The following TMEM132D variants were observed in gnomAD, a reference collection of about 807,000 sequenced individuals.
TMEM132D encodes the protein transmembrane protein 132D.
Under a neutral mutation model 62.3 loss-of-function variants are expected in TMEM132D, and 21 were observed. The observed-to-expected ratio is 0.34, with a 90% CI of 0.24 to 0.49. The LOEUF is 0.49. TMEM132D is among the 20% of genes least tolerant of loss of function. The pLI, the probability that TMEM132D is intolerant of heterozygous loss-of-function variation, is 0.99. For synonymous variants in TMEM132D, 621 were observed against 575.6 expected (o/e 1.08, Z -1.13); for missense variants, 1,346 against 1,402.8 (o/e 0.96, Z 0.65).
chr12:129,720,125 C>A (rs1366358032), intron 1 of TMEM132D, among the ~76,000 whole-genome samples: 2 of 152,036 alleles, frequency 1.3e-5, no homozygotes, highest in African/African-American at 4.8e-5. Flanking sequence ...TCTAAATAAT[C>A]AATAAAACCT....
Position 129,285,526 on chromosome 12 carries a change from C to CAAAAAAAAAAA in TMEM132D, c.1299+52097_1299+52107dup, listed in dbSNP as rs1555244565. On this transcript the variant is annotated intron_variant, in intron 4 of 8. Coordinates refer to ENST00000422113, the MANE Select transcript of TMEM132D (RefSeq NM_133448.3). ...TGGGTGACAGAGTGAGACTGTGTCT[C>CAAAAAAAAAAA]AAAAAAAAAAAAAAGAGAGAGAGAG... Among the ~76,000 whole-genome samples the CAAAAAAAAAAA allele has an allele frequency of 8.5e-4, 35 of 40,954 alleles. 2 individuals are homozygous for CAAAAAAAAAAA. The highest frequency in any genetic ancestry group is 2.4e-3 in the African/African-American group (32 of 13,126). 26.9% of individuals were successfully genotyped at this position (40,954 alleles called of 152,430 possible).
intron 2 of TMEM132D, among the ~76,000 whole-genome samples, chr12:129,656,571 TG>T (rs376325003): frequency 3.3e-5 from 5 of 152,298 alleles, no homozygotes; most frequent in African/African-American, 1.2e-4. Context: ...AGCATGACTC[TG>T]GCCAGATGTA....
At chr12:129,490,681 C>T (rs892222457) in intron 3 of TMEM132D, among the ~76,000 whole-genome samples, 24 of 145,100 alleles carry the variant, frequency 1.7e-4, no homozygotes, top group South Asian at 6.7e-4. Flanking sequence ...TCTCCATCTC[C>T]TGACCTCGTG....
chr12:129,558,932 C>T (rs531230605), intron 2 of TMEM132D, among the ~76,000 whole-genome samples: 5 of 152,262 alleles, frequency 3.3e-5, no homozygotes, highest in African/African-American at 9.6e-5. Context: ...TACAGTAATC[C>T]GTCATCAAGA....
intron 2 of TMEM132D, among the ~76,000 whole-genome samples, chr12:129,618,408 G>A (rs2137157370): frequency 6.6e-6 from 1 of 152,312 alleles, no homozygotes; most frequent in South Asian, 2.1e-4. Flanking sequence ...TACCTGATGT[G>A]TTTGTTCGCT....
chr12:129,836,649 T>G (rs539959068), intron 1 of TMEM132D, among the ~76,000 whole-genome samples: 3 of 152,108 alleles, frequency 2.0e-5, no homozygotes, highest in Non-Finnish European at 2.9e-5. Flanking sequence ...AACAACATAA[T>G]GGCACTACCT....
At chr12:129,378,328 T>C (rs1870843093) in intron 3 of TMEM132D, among the ~76,000 whole-genome samples, 1 of 152,188 alleles carries the variant, frequency 6.6e-6, no homozygotes. Flanking sequence ...CCAACGTTGA[T>C]CAAAGCAACA....
At chr12:129,092,829 G>A (rs1251184698) in intron 5 of TMEM132D, among the ~76,000 whole-genome samples, 2 of 152,166 alleles carry the variant, frequency 1.3e-5, no homozygotes, top group Non-Finnish European at 2.9e-5. Flanking sequence ...ATATCTATTA[G>A]ATTGGTACCC....
chr12:129,428,672 G>A (rs1175989016), intron 3 of TMEM132D, among the ~76,000 whole-genome samples: 5 of 152,168 alleles, frequency 3.3e-5, no homozygotes, highest in Admixed American at 6.5e-5. Context: ...GATATAAAAC[G>A]GTATTTGGCT....
intron 4 of TMEM132D, among the ~76,000 whole-genome samples, chr12:129,272,782 C>T (rs1880888686): frequency 6.6e-6 from 1 of 151,702 alleles, no homozygotes. Flanking sequence ...CAAAATAGGC[C>T]AGGCACGGCG....
intron 3 of TMEM132D, among the ~76,000 whole-genome samples, chr12:129,405,247 T>TA (rs977834452): frequency 6.6e-6 from 1 of 151,906 alleles, no homozygotes; most frequent in African/African-American, 2.4e-5. Flanking sequence ...ACAGGTGCCT[T>TA]CTCGTGTGCT....
At chr12:129,401,813 C>T (rs1871632530) in intron 3 of TMEM132D, among the ~76,000 whole-genome samples, 1 of 152,134 alleles carries the variant, frequency 6.6e-6, no homozygotes, top group Non-Finnish European at 1.5e-5. Flanking sequence ...GTTCTCCTGC[C>T]TCCTCACTCT....
intron 4 of TMEM132D, among the ~76,000 whole-genome samples, chr12:129,274,449 A>T (rs1880946045): frequency 1.3e-5 from 2 of 152,212 alleles, no homozygotes; most frequent in South Asian, 2.1e-4. Context: ...AGGTGGTATC[A>T]GTCTGGTGCC....
chr12:129,087,918 C>CTATGA (rs1874684583), intron 5 of TMEM132D, among the ~76,000 whole-genome samples: 5 of 116,296 alleles, frequency 4.3e-5, no homozygotes, highest in African/African-American at 1.0e-4. Context: ...GGGGTGTCCT[C>CTATGA]CCTGACCGGG....
chr12:129,700,842 A>C, intron 1 of TMEM132D, 144 bp from the exon 2 acceptor site: 2 of 896,676 alleles, frequency 2.2e-6, no homozygotes, highest in Non-Finnish European at 3.2e-6. Flanking sequence ...TCTTAATCCA[A>C]TCTACTCGCT....
intron 2 of TMEM132D, among the ~76,000 whole-genome samples, chr12:129,582,428 A>T (rs181119570): frequency 3.3e-4 from 51 of 152,318 alleles, no homozygotes; most frequent in African/African-American, 1.2e-3. Flanking sequence ...CTCTCAATGC[A>T]GAGTGTCAGG....
intron 2 of TMEM132D, among the ~76,000 whole-genome samples, chr12:129,578,426 A>ATATATATATGTGTG (rs1877742273): frequency 7.1e-6 from 1 of 140,456 alleles, no homozygotes; most frequent in Non-Finnish European, 1.5e-5. Context: ...GTGTGTGTGT[A>ATATATATATGTGTG]TATATATATA....
chr12:129,221,202 G>A (rs549183650), intron 4 of TMEM132D, among the ~76,000 whole-genome samples: 3 of 152,196 alleles, frequency 2.0e-5, no homozygotes, highest in Admixed American at 6.5e-5. Context: ...CACCTGACAC[G>A]GCCACCAAGG....
At chr12:129,436,716 AT>A (rs1181042886) in intron 3 of TMEM132D, among the ~76,000 whole-genome samples, 1 of 152,186 alleles carries the variant, frequency 6.6e-6, no homozygotes, top group Non-Finnish European at 1.5e-5. Context: ...GTTTTAAAAT[AT>A]TTTAACACGT....
Sources: gnomAD v4.1 joint callset for allele counts (sites outside exome capture counted in the v4.1 genomes callset) on GRCh38, gnomAD v4.1.1 for gene constraint, MANE v1.5 for transcripts, NCBI Gene and HGNC (gene_info 2026-07-23, HGNC 2026-07-21) for gene names.